Variants in GALNT13 observed in about 807,000 individuals in gnomAD.
The protein encoded by GALNT13 is UDP-GalNAc:polypeptide N-acetylgalactosaminyltransferase 13.
In GALNT13, 28 loss-of-function variants were observed where a neutral mutation model predicts 64.2. That is an observed-to-expected ratio of 0.44 (90% confidence interval 0.32 to 0.60). The LOEUF (loss-of-function observed/expected upper bound fraction) is 0.60. GALNT13 is among the 20% of genes least tolerant of loss of function. The pLI, the probability that GALNT13 is intolerant of heterozygous loss-of-function variation, is 0.05. For missense variants in GALNT13, 577 were observed against 669.8 expected (o/e 0.86, Z 1.53); for synonymous variants, 214 against 224.6 (o/e 0.95, Z 0.42).
the GALNT13 span, among the ~76,000 whole-genome samples, chr2:153,289,327 A>AT: frequency 1.3e-5 from 2 of 152,162 alleles, no homozygotes; most frequent in Non-Finnish European, 2.9e-5. Context: ...TAGAAAAATT[A>AT]TTTTTTATTG....
chr2:154,017,402 C>A (rs948108637), intron 3 of GALNT13, among the ~76,000 whole-genome samples: 5 of 152,056 alleles, frequency 3.3e-5, no homozygotes, highest in Middle Eastern at 3.2e-3. Flanking sequence ...CTGTCAAAAT[C>A]CACTCTCTTC....
the GALNT13 span, among the ~76,000 whole-genome samples, chr2:153,309,873 G>A: frequency 4.6e-5 from 7 of 152,016 alleles, no homozygotes; most frequent in Admixed American, 4.6e-4. Context: ...CAGACTTCTG[G>A]AAGCTCAACC....
the GALNT13 span, among the ~76,000 whole-genome samples, chr2:153,512,502 G>A: frequency 6.6e-6 from 1 of 152,092 alleles, no homozygotes; most frequent in Non-Finnish European, 1.5e-5. Context: ...GTGAGCTCTG[G>A]AGCCTAACTG....
chr2:154,116,509 C>G (rs1336773863), intron 3 of GALNT13, among the ~76,000 whole-genome samples: 1 of 152,176 alleles, frequency 6.6e-6, no homozygotes, highest in Non-Finnish European at 1.5e-5. Flanking sequence ...TCCCTGAGTT[C>G]ATAATTTTCT....
chr2:153,807,672 A>T, the GALNT13 span, among the ~76,000 whole-genome samples: 1 of 151,644 alleles, frequency 6.6e-6, no homozygotes, highest in Non-Finnish European at 1.5e-5. Flanking sequence ...AGTGTTTTGT[A>T]TTCATATCTT....
the GALNT13 span, among the ~76,000 whole-genome samples, chr2:153,434,589 A>T: frequency 1.3e-5 from 2 of 152,022 alleles, no homozygotes; most frequent in African/African-American, 4.8e-5. Flanking sequence ...AGTGATGATG[A>T]GTTTTTTCAT....
At chr2:154,212,793 G>A (rs1252857973) in intron 4 of GALNT13, among the ~76,000 whole-genome samples, 1 of 151,928 alleles carries the variant, frequency 6.6e-6, no homozygotes, top group African/African-American at 2.4e-5. Context: ...TGGAATAAAA[G>A]GAGGTTGCCA....
the GALNT13 span, among the ~76,000 whole-genome samples, chr2:153,606,296 A>G: frequency 2.6e-5 from 4 of 152,096 alleles, no homozygotes; most frequent in African/African-American, 9.7e-5. Context: ...TTGGGGGCCT[A>G]TTGAAGATGT....
the GALNT13 span, among the ~76,000 whole-genome samples, chr2:153,281,576 G>C: frequency 6.6e-6 from 1 of 152,104 alleles, no homozygotes; most frequent in Non-Finnish European, 1.5e-5. Flanking sequence ...TTCTTGTAAG[G>C]CTGGTCTGCT....
intron 9 of GALNT13, among the ~76,000 whole-genome samples, chr2:154,310,004 A>G (rs1693945930): frequency 6.6e-6 from 1 of 152,166 alleles, no homozygotes. Context: ...GTGGAACTAC[A>G]TTCATTGGGT....
intron 4 of GALNT13, among the ~76,000 whole-genome samples, chr2:154,160,772 C>T (rs1337445037): frequency 6.6e-6 from 1 of 152,150 alleles, no homozygotes; most frequent in Non-Finnish European, 1.5e-5. Flanking sequence ...CTTCCCTTCC[C>T]TAGAAGTAGA....
the GALNT13 span, among the ~76,000 whole-genome samples, chr2:153,827,625 CAAAAA>C: frequency 1.1e-5 from 1 of 90,482 alleles, no homozygotes; most frequent in Admixed American, 1.1e-4. Flanking sequence ...GACTCCGTCC[CAAAAA>C]AAAAAAAAAA....
the GALNT13 span, among the ~76,000 whole-genome samples, chr2:153,599,917 A>G: frequency 1.3e-5 from 2 of 152,002 alleles, no homozygotes; most frequent in Non-Finnish European, 2.9e-5. Flanking sequence ...TGTGTCAAGA[A>G]CTTCCACATT....
the GALNT13 span, among the ~76,000 whole-genome samples, chr2:153,390,981 G>A: frequency 1.3e-5 from 2 of 152,044 alleles, no homozygotes; most frequent in African/African-American, 2.4e-5. Context: ...AGGATTGGGG[G>A]CAATTTTAAA....
chr2:153,163,826 T>C, the GALNT13 span, among the ~76,000 whole-genome samples: 23 of 152,172 alleles, frequency 1.5e-4, no homozygotes, highest in Non-Finnish European at 2.8e-4. Flanking sequence ...GAGACCATCC[T>C]GGCTAACACG....
chr2:153,447,270 TG>T, the GALNT13 span, among the ~76,000 whole-genome samples: 1 of 152,174 alleles, frequency 6.6e-6, no homozygotes, highest in Non-Finnish European at 1.5e-5. Flanking sequence ...AGGATAGCAC[TG>T]GGGAACAGTG....
chr2:153,532,742 A>G, the GALNT13 span, among the ~76,000 whole-genome samples: 1 of 152,198 alleles, frequency 6.6e-6, no homozygotes, highest in Non-Finnish European at 1.5e-5. Flanking sequence ...TTGTGCTTAG[A>G]AATTTCTTCC....
At chr2:154,064,211 C>G (rs1700341052) in intron 3 of GALNT13, among the ~76,000 whole-genome samples, 1 of 152,150 alleles carries the variant, frequency 6.6e-6, no homozygotes, top group Non-Finnish European at 1.5e-5. Context: ...GAAGAATCAT[C>G]CATCCCAGTG....
At chr2:153,857,469 T>C in the GALNT13 span, among the ~76,000 whole-genome samples, 3 of 151,956 alleles carry the variant, frequency 2.0e-5, 1 homozygote, top group Middle Eastern at 6.3e-3. Context: ...CCAGGGAAAA[T>C]GGGGCAGGAG....
Sources: allele counts gnomAD v4.1 joint callset (sites outside exome capture counted in the v4.1 genomes callset), GRCh38; gene constraint gnomAD v4.1.1; transcripts MANE v1.5; gene names NCBI Gene and HGNC (gene_info 2026-07-23, HGNC 2026-07-21).